The following JAG2 variants were observed in gnomAD, a reference collection of about 807,000 sequenced individuals.
The protein encoded by JAG2 is jagged canonical Notch ligand 2.
JAG2 carries 46 observed loss-of-function variants against 141.7 expected under a neutral mutation model. The observed-to-expected ratio is 0.32, with a 90% CI of 0.26 to 0.42. The LOEUF is 0.42. JAG2 is among the 10% of genes least tolerant of loss of function. The pLI, the probability that JAG2 is intolerant of heterozygous loss-of-function variation, is 1.00. For synonymous variants in JAG2, 862 were observed against 763.5 expected, an observed-to-expected ratio of 1.13 and a Z score of -2.13; for missense variants, 1,500 against 1,817.5, an observed-to-expected ratio of 0.83 and a Z score of 3.18.
At position 105,145,819 on chromosome 14, in the gene JAG2, G is replaced by T; in HGVS notation, c.2864C>A (p.Pro955Gln). The T allele has an allele frequency of 6.4e-7, 1 of 1,566,326 alleles. No homozygotes were observed. ...AWGECGAEEP[P>Q]STPCLPRSGH... The stretch of plus-strand genomic sequence containing the variant: ...GGAGCGTGGCAGGCAGGGGGTGCTC[G>T]GTGGCTCTTCTGCGCCGCACTCCCC... Residue 955 changes from proline to glutamine, a missense_variant, in exon 23 of 26, where the codon CCG becomes CAG. Pro to Gln is a moderately conservative substitution (Grantham distance 76). Around this residue, in one of 3 missense-constraint regions of JAG2, gnomAD observed 425 missense variants for 441.0 expected, o/e 0.96. Coordinates refer to ENST00000331782, the MANE Select transcript of JAG2 (RefSeq NM_002226.5).
chr14:105,141,734 C>T lies in JAG2; in HGVS notation c.*961G>A, dbSNP rs994160381. On this transcript the variant is annotated 3_prime_UTR_variant, in exon 26 of 26. Transcript: ENST00000331782. ...ACAGCACCGAAAGAACAAGGGAGGC[C>T]GGAATGGTGGCATTATTCAATCAAA... 2.0e-5 allele frequency: 3 copies of T among 152,392 alleles called. No individual in the cohort carries two copies. Among genetic ancestry groups the T allele is most frequent in the South Asian group, 2.1e-4 (1 of 4,836 alleles). 9.4% of individuals were successfully genotyped at this position (152,392 alleles called of 1,614,324 possible).
intron 3 of JAG2, among the ~76,000 whole-genome samples, chr14:105,156,582 G>C (rs982881840): frequency 6.6e-6 from 1 of 152,046 alleles, no homozygotes; most frequent in African/African-American, 2.4e-5. Context: ...GAGACCAGGG[G>C]CCAGGGGCAC....
chr14:105,147,330 G>A lies in JAG2; in HGVS notation c.2475C>T (p.Arg825=). 1 of 1,555,588 alleles carries A rather than the reference G, an allele frequency of 6.4e-7. No individual in the cohort carries two copies. The highest frequency in any genetic ancestry group is 1.4e-5 in the African/African-American group (1 of 73,428). Residue 825 remains arginine, a synonymous_variant, in exon 20 of 26, where the codon CGC becomes CGT. Coordinates refer to ENST00000331782, the MANE Select transcript of JAG2 (RefSeq NM_002226.5). ...TGGGGCTGTCTGGCCACTCACTGAT[G>A]CGGCAGTCAGGCCCCGCGAAGCCAG... ...CAPGFAGPDC[R]INIDECQSSP... is the part of the protein sequence containing the mutation.
At chr14:105,147,169 G>A (rs587758352) in intron 20 of JAG2, 157 bp downstream of exon 20, 7 of 689,792 alleles carry the variant, frequency 1.0e-5, no homozygotes, top group African/African-American at 5.2e-5. Flanking sequence ...GAACCCCACA[G>A]GGCACAGACA....
intron 5 of JAG2, among the ~76,000 whole-genome samples, chr14:105,155,161 A>T (rs1300521389): frequency 6.7e-6 from 1 of 150,304 alleles, no homozygotes; most frequent in Admixed American, 6.6e-5. Context: ...CTCAGCTCCC[A>T]CCACTGGTCT....
chr14:105,156,132 C>T, intron 3 of JAG2, 143 bp from the exon 4 acceptor site: 1 of 1,106,668 alleles, frequency 9.0e-7, no homozygotes, highest in East Asian at 2.6e-5. Context: ...GGCAGGGCCC[C>T]CGGCCAGGCT....
chr14:105,143,758 CG>C, intron 24 of JAG2, 120 bp from the exon 25 acceptor site: 1 of 1,253,948 alleles, frequency 8.0e-7, no homozygotes, highest in Non-Finnish European at 1.1e-6. Context: ...GACGAGAGCC[CG>C]GGGTCCTGCA....
At chr14:105,159,331 G>A (rs188597874) in intron 2 of JAG2, among the ~76,000 whole-genome samples, 3 of 151,984 alleles carry the variant, frequency 2.0e-5, no homozygotes, top group Admixed American at 6.5e-5. Flanking sequence ...TCCCCAACCC[G>A]CTCCTAGAAC....
At chr14:105,153,935 G>T (rs192800801) in intron 5 of JAG2, among the ~76,000 whole-genome samples, 73 of 152,332 alleles carry the variant, frequency 4.8e-4, no homozygotes, top group Non-Finnish European at 1.0e-3. Context: ...ATCTACATCT[G>T]CCCAGACCAG....
At chr14:105,163,611 G>A (rs1411532593) in intron 2 of JAG2, among the ~76,000 whole-genome samples, 1 of 150,094 alleles carries the variant, frequency 6.7e-6, no homozygotes, top group Non-Finnish European at 1.5e-5. Context: ...CAGGGCCTCC[G>A]CTCAGGCCTG....
chr14:105,147,895 G>A lies in JAG2; in HGVS notation c.2249-7C>T, dbSNP rs755010909. The A allele has an allele frequency of 3.2e-6, 5 of 1,545,016 alleles. No homozygotes were observed. The highest frequency in any genetic ancestry group is 2.2e-4 in the Middle Eastern group (1 of 4,450). On this transcript the variant is annotated splice_region_variant and splice_polypyrimidine_tract_variant and intron_variant, in intron 17 of 25. Coordinates refer to ENST00000331782, the MANE Select transcript of JAG2 (RefSeq NM_002226.5). ...AGGCAGCTGCTGTTCTTGGCTGTAA[G>A]GAGAGGAGGAGGAGGGAGCGTCTCA...
In JAG2 at chr14:105,167,854, G is replaced by A. The variant is rs763290949; in HGVS notation, c.320C>T (p.Pro107Leu). ...VLGGNSFYLPPAGAAGDRARA... is the reference protein window; with the variant it reads ...VLGGNSFYLPLAGAAGDRARA... ...CGCTCGGTCCCCCGCAGCGCCCGCCGGCGGCAGGTAGAAGGAGTTGCCGCC... is the reference window on the plus strand; with the variant it reads ...CGCTCGGTCCCCCGCAGCGCCCGCCAGCGGCAGGTAGAAGGAGTTGCCGCC... The change falls in exon 2 of 26, where the codon CCG becomes CTG. Residue 107 changes from proline to leucine, a missense_variant. Physicochemically the swap from Pro to Leu is moderately conservative, Grantham distance 98 (BLOSUM62 -3). Transcript: ENST00000331782. This position sits in a 1 kb window ranked among gnomAD's most constrained non-coding sequence, Gnocchi z 4.8. 1.3e-6 allele frequency: 2 copies of A among 1,536,270 alleles called. No homozygotes were observed. The highest frequency in any genetic ancestry group is 1.7e-6 in the Non-Finnish European group (2 of 1,150,772).
At chr14:105,152,345 T>C in intron 5 of JAG2, 54 bp from the exon 6 acceptor site, 1 of 1,588,102 alleles carries the variant, frequency 6.3e-7, no homozygotes, top group African/African-American at 1.3e-5. Flanking sequence ...CCTGAAAGGG[T>C]GGCAGGGGAG....
At position 105,149,007 on chromosome 14, in the gene JAG2, G is replaced by A. The variant is rs376127608; in HGVS notation, c.1836C>T (p.Cys612=). 245 of 1,606,452 alleles carry A rather than the reference G, an allele frequency of 1.5e-4. No homozygotes were observed. Among genetic ancestry groups the A allele is most frequent in the Non-Finnish European group, 2.0e-4 (232 of 1,177,404 alleles). The change falls in exon 14 of 26, where the codon TGC becomes TGT. Residue 612 remains cysteine, a synonymous_variant. Transcript: ENST00000331782. Reference sequence around the variant, plus strand: ...AAAAGTTGCCCCCTGGCTGGCTGACGCAGCGTCCATGGGGGCCACACACGC... The same window carrying A: ...AAAAGTTGCCCCCTGGCTGGCTGACACAGCGTCCATGGGGGCCACACACGC... The part of the protein sequence containing the change: ...ASGVCGPHGR[C]VSQPGGNFSC...
rs749478757 is a variant in JAG2 at position 105,155,902 on chromosome 14, G to A, written c.563C>T (p.Ala188Val). 2.9e-5 allele frequency: 47 copies of A among 1,611,984 alleles called. No individual in the cohort carries two copies. Among genetic ancestry groups the A allele is most frequent in the Non-Finnish European group, 3.6e-5 (42 of 1,179,730 alleles). The change falls in exon 4 of 26, where the codon GCG becomes GTG. Residue 188 changes from alanine (A) to valine (V), a missense_variant. By Grantham distance (64) the Ala-to-Val change is moderately conservative. This residue lies in a region of JAG2 where 875 missense variants were observed against 1,202.2 expected (regional missense o/e 0.73). Transcript: ENST00000331782. ...WKSLHFSGHV[A>V]HLELQIRVRC... ...CACGCGGATCTGCAGCTCCAGGTGC[G>A]CCACGTGGCCGCTGAAGTGCAGGCT...
chr14:105,168,010 C>G lies in JAG2; in HGVS notation c.164G>C (p.Arg55Pro). The G allele has an allele frequency of 1.9e-6, 3 of 1,599,088 alleles. No individual in the cohort carries two copies. The highest frequency in any genetic ancestry group is 2.5e-6 in the Non-Finnish European group (3 of 1,177,092). ...GCCGCAGCCCCCCGCGCGCGTTGTC[C>G]GGCCGTCGCCGTCACAGCAGGCGCC... is the stretch of plus-strand genomic sequence containing the variant. ...LSGACCDGDG[R>P]TTRAGGCGHD... Residue 55 changes from arginine (R) to proline (P), a missense_variant, in exon 2 of 26, where the codon CGG (arginine) becomes CCG (proline). Around this residue, in one of 3 missense-constraint regions of JAG2, gnomAD observed 200 missense variants for 174.3 expected, o/e 1.15. Transcript: ENST00000331782.
chr14:105,157,868 G>A, intron 2 of JAG2, 105 bp from the exon 3 acceptor site: 1 of 1,058,232 alleles, frequency 9.4e-7, no homozygotes, highest in South Asian at 1.3e-5. Context: ...GGTCTGCCAG[G>A]CTCTGGCCCT....
chr14:105,147,655 T>C, intron 18 of JAG2, 117 bp downstream of exon 18: 1 of 763,436 alleles, frequency 1.3e-6, no homozygotes, highest in Non-Finnish European at 1.9e-6. Flanking sequence ...TGCCTTTTGC[T>C]GGGGGCAGGG....
intron 3 of JAG2, among the ~76,000 whole-genome samples, chr14:105,156,768 G>A (rs1013419966): frequency 2.6e-5 from 4 of 152,110 alleles, no homozygotes; most frequent in African/African-American, 4.8e-5. Context: ...CGTCCCGGCC[G>A]CCCCAGCCTC....
Sources: allele counts gnomAD v4.1 joint callset (sites outside exome capture counted in the v4.1 genomes callset), GRCh38; gene constraint gnomAD v4.1.1; regional missense constraint gnomAD v4.1.1; non-coding constraint Gnocchi (gnomAD v3.1); transcripts MANE v1.5; gene names NCBI Gene and HGNC (gene_info 2026-07-23, HGNC 2026-07-21).